The following PDE4A variants were observed in gnomAD, a reference collection of about 807,000 sequenced individuals.
The protein encoded by PDE4A is phosphodiesterase 4A.
In PDE4A, 21 loss-of-function variants were observed where a neutral mutation model predicts 73.9. That is an observed-to-expected ratio of 0.28 (90% CI 0.20 to 0.41). PDE4A has a LOEUF of 0.41. Among genes scored for constraint, PDE4A ranks in the 10% least tolerant of loss-of-function variants. The probability of loss-of-function intolerance (pLI) is 1.00; values close to 1 mark genes in which losing one functional copy is unlikely to be tolerated. For synonymous variants in PDE4A, 463 were observed against 505.4 expected, an observed-to-expected ratio of 0.92 and a Z score of 1.13; for missense variants, 958 against 1,211.4, an observed-to-expected ratio of 0.79 and a Z score of 3.10.
chr19:10,431,089 A>G, intron 1 of PDE4A: 1 of 1,539,582 alleles, frequency 6.5e-7, no homozygotes, highest in Non-Finnish European at 8.7e-7. Flanking sequence ...GGGGCTGGGT[A>G]AGTGCAGCGC....
intron 6 of PDE4A, 156 bp from the exon 7 acceptor site, chr19:10,454,673 A>AC (rs1261736256): frequency 1.1e-6 from 1 of 877,918 alleles, no homozygotes; most frequent in African/African-American, 1.8e-5. Context: ...GGAAAGGCTG[A>AC]CCCCAACCCC....
At chr19:10,427,092 G>A (rs2042727376) in intron 1 of PDE4A, among the ~76,000 whole-genome samples, 4 of 151,916 alleles carry the variant, frequency 2.6e-5, no homozygotes, top group East Asian at 1.9e-4. Context: ...ACGAGGTCAC[G>A]AGTTCAAGAC....
chr19:10,438,131 T>C (rs1264767836), intron 1 of PDE4A, among the ~76,000 whole-genome samples: 2 of 149,612 alleles, frequency 1.3e-5, no homozygotes, highest in Non-Finnish European at 3.0e-5. Context: ...TTTTTTTTTT[T>C]GAGACGGAGT....
chr19:10,465,500 A>T (rs2043351220), intron 14 of PDE4A, among the ~76,000 whole-genome samples: 1 of 150,098 alleles, frequency 6.7e-6, no homozygotes, highest in Non-Finnish European at 1.5e-5. Flanking sequence ...GATTACAGGC[A>T]TAAGCCACCG....
chr19:10,431,151 T>C, intron 1 of PDE4A: 1 of 1,138,220 alleles, frequency 8.8e-7, no homozygotes. Context: ...CTCCAGGGTC[T>C]AGGGTTCGTG....
At chr19:10,465,176 C>A (rs2043343696) in intron 14 of PDE4A, among the ~76,000 whole-genome samples, 1 of 151,868 alleles carries the variant, frequency 6.6e-6, no homozygotes, top group African/African-American at 2.4e-5. Context: ...TTAGCAGAAT[C>A]CCTGGTCTCT....
chr19:10,443,636 C>T (rs1396236224), intron 1 of PDE4A, among the ~76,000 whole-genome samples: 1 of 151,804 alleles, frequency 6.6e-6, no homozygotes, highest in East Asian at 1.9e-4. Context: ...TAGCTTGAGC[C>T]CAGGAAGTTG....
At chr19:10,461,491 G>A (rs746472404) in intron 11 of PDE4A, 35 bp from the exon 12 acceptor site, 3 of 1,609,194 alleles carry the variant, frequency 1.9e-6, no homozygotes, top group Admixed American at 1.7e-5. Context: ...AGCTGCACAC[G>A]TGGGCCCTCC....
intron 1 of PDE4A, among the ~76,000 whole-genome samples, chr19:10,441,438 T>A (rs2042936354): frequency 6.6e-6 from 1 of 151,506 alleles, no homozygotes; most frequent in South Asian, 2.1e-4. Flanking sequence ...TTTTTTTTTT[T>A]AAGAGATGGG....
chr19:10,467,291 G>A lies in PDE4A; in HGVS notation c.2331G>A (p.Val777=), dbSNP rs1440389847. 6.2e-7 allele frequency: 1 copy of A among 1,614,210 alleles called. No individual in the cohort carries two copies. Among genetic ancestry groups the A allele is most frequent in the South Asian group, 1.1e-5 (1 of 91,092 alleles). ...CCCTGGAGGCCGAGCTGGAGGCAGTGTATTTGACACAGCAGGCACAGTCCA... is the reference window on the plus strand; with the variant it reads ...CCCTGGAGGCCGAGCTGGAGGCAGTATATTTGACACAGCAGGCACAGTCCA... The part of the protein sequence containing the change: ...EASLEAELEA[V]YLTQQAQSTG... The change falls in exon 15 of 15, where the codon GTG becomes GTA. Residue 777 remains valine, a synonymous_variant. Coordinates refer to ENST00000380702, the MANE Select transcript of PDE4A (RefSeq NM_001111307.2).
Position 10,458,218 on chromosome 19 carries a change from G to A in PDE4A, c.1101+116G>A. On this transcript the variant is annotated intron_variant, in intron 8 of 14. Coordinates refer to ENST00000380702, the MANE Select transcript of PDE4A (RefSeq NM_001111307.2). The surrounding 1 kb of genome is among the most constrained non-coding windows in gnomAD (Gnocchi z 4.6). The stretch of plus-strand genomic sequence containing the variant: ...GTTTCCCAGAAGCAGAGCTTGAGAT[G>A]AGGGTTTGAGCCCATCTTGAGGCAA... 1.0e-6 allele frequency: 1 copy of A among 957,362 alleles called. No homozygotes were observed. Among genetic ancestry groups the A allele is most frequent in the Non-Finnish European group, 1.6e-6 (1 of 633,648 alleles). The allele number at this position is 957,362 out of a possible 1,614,324, so 59.3% of individuals were successfully genotyped here. A position where few individuals can be genotyped will look rare whatever the true frequency, so the allele number is the denominator to read the frequency against.
chr19:10,432,610 C>A, intron 1 of PDE4A: 1 of 1,493,866 alleles, frequency 6.7e-7, no homozygotes. Context: ...TCTTTTAATA[C>A]TGAAGGGCAC....
chr19:10,419,895 G>T (rs1269981913), upstream of PDE4A, among the ~76,000 whole-genome samples: 1 of 152,166 alleles, frequency 6.6e-6, no homozygotes, highest in Non-Finnish European at 1.5e-5. Context: ...TTCACCCACA[G>T]ACACACACAG....
rs200330339 is a variant in PDE4A at position 10,468,226 on chromosome 19, TAA to T, written c.*610_*611del. ...CTGGTTTGCTGCCTCCTCTCCCCTC[TAA>T]AAAAGTCTTCCGCTTGATTTTGCAC... is the stretch of plus-strand genomic sequence containing the variant. On this transcript the variant is annotated 3_prime_UTR_variant, in exon 15 of 15. Transcript: ENST00000380702. 1 of 152,486 alleles carries T rather than the reference TAA, an allele frequency of 6.6e-6. No individual in the cohort carries two copies. The highest frequency in any genetic ancestry group is 1.5e-5 in the Non-Finnish European group (1 of 68,036). 9.4% of individuals were successfully genotyped at this position (152,486 alleles called of 1,614,324 possible). A position where few individuals can be genotyped will look rare whatever the true frequency, so the allele number is the denominator to read the frequency against.
intron 6 of PDE4A, among the ~76,000 whole-genome samples, chr19:10,454,081 T>G (rs936490230): frequency 6.6e-6 from 1 of 152,070 alleles, no homozygotes; most frequent in Admixed American, 6.6e-5. Flanking sequence ...CAGAGTGGCA[T>G]GGGGGGACCA....
At position 10,461,386 on chromosome 19, in the gene PDE4A, C is replaced by G. The variant is rs1386917053; in HGVS notation, c.1466-140C>G. ...CTGGCTGGGCTGGAAAGGGGATGGC[C>G]GGGCTGGGGTAGAGCTGACTGGGCT... is the stretch of plus-strand genomic sequence containing the variant. On this transcript the variant is annotated intron_variant, in intron 11 of 14. Transcript: ENST00000380702. 5.4e-5 allele frequency: 73 copies of G among 1,360,674 alleles called. 1 individual carries two copies. The African/African-American group carries it at 1.2e-3, about 22-fold the overall frequency. 84.3% of individuals were successfully genotyped at this position (1,360,674 alleles called of 1,614,324 possible).
chr19:10,440,539 T>C (rs1479185420), intron 1 of PDE4A, among the ~76,000 whole-genome samples: 5 of 152,178 alleles, frequency 3.3e-5, no homozygotes, highest in African/African-American at 4.8e-5. Flanking sequence ...TTCTCCCACC[T>C]CAGTCTCTCT....
chr19:10,418,837 A>T, upstream of PDE4A: 1 of 984,478 alleles, frequency 1.0e-6, no homozygotes, highest in South Asian at 4.7e-5. Flanking sequence ...ACTCTCAAAT[A>T]TGATCTGGGG....
At chr19:10,441,142 C>T (rs2145504467) in intron 1 of PDE4A, among the ~76,000 whole-genome samples, 2 of 152,220 alleles carry the variant, frequency 1.3e-5, no homozygotes, top group Non-Finnish European at 2.9e-5. Context: ...CTCAAGTGAT[C>T]CTCCAGTCTT....
Sources: gnomAD v4.1 joint callset for allele counts (sites outside exome capture counted in the v4.1 genomes callset) on GRCh38, gnomAD v4.1.1 for gene constraint, Gnocchi (gnomAD v3.1) non-coding constraint, MANE v1.5 for transcripts, NCBI Gene and HGNC (gene_info 2026-07-23, HGNC 2026-07-21) for gene names.